The following SGTA variants were observed in gnomAD, a reference collection of about 807,000 sequenced individuals.
SGTA encodes small glutamine rich tetratricopeptide repeat co-chaperone alpha, also known as small glutamine-rich tetratricopeptide repeat-containing protein alpha.
Under a neutral mutation model 44.3 loss-of-function variants are expected in SGTA, and 22 were observed. The observed-to-expected ratio is 0.50, with a 90% CI of 0.36 to 0.71. The LOEUF is 0.71. Among genes scored for constraint, SGTA ranks in the 30% least tolerant of loss-of-function variants. The pLI is 0.00. For synonymous variants in SGTA, 174 were observed against 177.6 expected (o/e 0.98, Z 0.16); for missense variants, 341 against 435.9 (o/e 0.78, Z 1.94).
intron 2 of SGTA, among the ~76,000 whole-genome samples, chr19:2,768,494 C>A (rs143950378): frequency 6.6e-6 from 1 of 152,174 alleles, no homozygotes; most frequent in Non-Finnish European, 1.5e-5. Context: ...CCTCCGAGCC[C>A]CGGATCCAGG....
intron 10 of SGTA, 102 bp downstream of exon 10, chr19:2,757,591 C>T (rs1201205312): frequency 5.5e-6 from 8 of 1,452,190 alleles, no homozygotes; most frequent in South Asian, 2.7e-5. Flanking sequence ...CTGGGCCCTT[C>T]GGAGCAGGGG....
chr19:2,772,376 T>C (rs1228095219), intron 1 of SGTA, among the ~76,000 whole-genome samples: 2 of 152,210 alleles, frequency 1.3e-5, no homozygotes, highest in Non-Finnish European at 2.9e-5. Flanking sequence ...CACAAACACC[T>C]ACAAGGAAAC....
chr19:2,765,040 A>G lies in SGTA; in HGVS notation c.392+146T>C. On this transcript the variant is annotated intron_variant, in intron 5 of 11. Coordinates refer to ENST00000221566, the MANE Select transcript of SGTA (RefSeq NM_003021.4). This position sits in a 1 kb window ranked among gnomAD's most constrained non-coding sequence, Gnocchi z 5.5. The stretch of plus-strand genomic sequence containing the variant: ...CCCCGACCCCGTTGCTGGTCACCTG[A>G]TGCTCGCTCCTGGTCTGAGACCACC... The G allele has an allele frequency of 1.6e-6, 1 of 622,234 alleles. No homozygotes were observed. The allele number at this position is 622,234 out of a possible 1,614,324, so 38.5% of individuals were successfully genotyped here. A position where few individuals can be genotyped will look rare whatever the true frequency, so the allele number is the denominator to read the frequency against.
intron 9 of SGTA, among the ~76,000 whole-genome samples, chr19:2,758,018 G>A (rs143461768): frequency 4.7e-4 from 71 of 152,316 alleles, no homozygotes; most frequent in Admixed American, 1.2e-3. Context: ...TCAGCCAGGG[G>A]GTGATCCTGC....
intron 11 of SGTA, 67 bp downstream of exon 11, chr19:2,757,270 A>G: frequency 6.4e-7 from 1 of 1,555,248 alleles, no homozygotes; most frequent in African/African-American, 1.4e-5. Flanking sequence ...GGCTGCCCTC[A>G]CTGCCAGGCA....
chr19:2,778,621 T>C (rs1915499692), intron 1 of SGTA, among the ~76,000 whole-genome samples: 1 of 152,032 alleles, frequency 6.6e-6, no homozygotes, highest in Non-Finnish European at 1.5e-5. Flanking sequence ...CACCCTGGGC[T>C]AGGGGATGCC....
rs567929078 is a variant in SGTA, at chr19:2,772,773, C to T, written c.-23-3682G>A. Among the ~76,000 whole-genome samples the T allele has an allele frequency of 1.2e-4, 17 of 146,484 alleles. 1 individual carries two copies. The highest frequency in any genetic ancestry group is 1.6e-4 in the African/African-American group (6 of 36,560). On this transcript the variant is annotated intron_variant, in intron 1 of 11. Transcript: ENST00000221566. The stretch of plus-strand genomic sequence containing the variant: ...TGGATGTGAAGGCAGAAATGGGTGA[C>T]GCGGCCACACGGCAGGGACACCGAG...
chr19:2,780,819 G>C (rs1915556944), intron 1 of SGTA, among the ~76,000 whole-genome samples: 1 of 152,180 alleles, frequency 6.6e-6, no homozygotes, highest in Non-Finnish European at 1.5e-5. Context: ...AGGTGCAGTG[G>C]GGCACGCCTG....
At chr19:2,769,385 C>T (rs1202186340) in intron 1 of SGTA, among the ~76,000 whole-genome samples, 1 of 152,166 alleles carries the variant, frequency 6.6e-6, no homozygotes, top group East Asian at 1.9e-4. Flanking sequence ...CAGGGTGGTA[C>T]TGAGGCGCCA....
At chr19:2,766,826 G>A (rs1443228211) in intron 4 of SGTA, among the ~76,000 whole-genome samples, 1 of 151,900 alleles carries the variant, frequency 6.6e-6, no homozygotes, top group Non-Finnish European at 1.5e-5. Context: ...CACATATCTA[G>A]TATCAGGGTG....
chr19:2,763,607 G>T lies in SGTA; in HGVS notation c.497+46C>A. 7.6e-7 allele frequency: 1 copy of T among 1,321,984 alleles called. No homozygotes were observed. The allele number at this position is 1,321,984 out of a possible 1,614,324, so 81.9% of individuals were successfully genotyped here. A position where few individuals can be genotyped will look rare whatever the true frequency, so the allele number is the denominator to read the frequency against. On this transcript the variant is annotated intron_variant, in intron 6 of 11. Coordinates refer to ENST00000221566, the MANE Select transcript of SGTA (RefSeq NM_003021.4). This position sits in a 1 kb window ranked among gnomAD's most constrained non-coding sequence, Gnocchi z 5.8. Reference sequence around the variant, plus strand: ...GAGAGGAAGCAGGAGCAGGAGAGGAGGGGTCCCGAGAGACTGGAAAGGCGC... The same window carrying T: ...GAGAGGAAGCAGGAGCAGGAGAGGATGGGTCCCGAGAGACTGGAAAGGCGC...
At chr19:2,780,706 G>A (rs975101472) in intron 1 of SGTA, among the ~76,000 whole-genome samples, 1 of 152,200 alleles carries the variant, frequency 6.6e-6, no homozygotes, top group African/African-American at 2.4e-5. Context: ...ACTCAGGAAA[G>A]CCTGCGATTG....
At chr19:2,777,708 C>T (rs1328771811) in intron 1 of SGTA, 1 of 152,200 alleles carries the variant, frequency 6.6e-6, no homozygotes, top group Non-Finnish European at 1.5e-5. Context: ...CAGGCAGACA[C>T]ACCTCACTTG....
In SGTA at chr19:2,767,186, G is replaced by C. The variant is rs1915168348; in HGVS notation, c.242C>G (p.Thr81Ser). The change falls in exon 4 of 12, where the codon ACC becomes AGC. Residue 81 changes from threonine (T) to serine (S), a missense_variant. Coordinates refer to ENST00000221566, the MANE Select transcript of SGTA (RefSeq NM_003021.4). The surrounding 1 kb of genome is among the most constrained non-coding windows in gnomAD (Gnocchi z 7.3). The stretch of plus-strand genomic sequence containing the variant: ...TGCTGAGTCCTCCTCGGAAGGCGGG[G>C]TTCGCGCGGGGCTCCTCAGGTCCTG... ...MPQDLRSPAR[T>S]PPSEEDSAEA... The C allele has an allele frequency of 1.2e-6, 2 of 1,612,650 alleles. No homozygotes were observed. Among genetic ancestry groups the C allele is most frequent in the Non-Finnish European group, 1.7e-6 (2 of 1,179,574 alleles).
rs747591519 is a variant in SGTA at position 2,765,331 on chromosome 19, GA to G, written c.293-47del. The G allele has an allele frequency of 2.8e-5, 39 of 1,408,326 alleles. No individual in the cohort carries two copies. Among genetic ancestry groups the G allele is most frequent in the Non-Finnish European group, 3.6e-5 (36 of 1,003,268 alleles). 87.2% of individuals were successfully genotyped at this position (1,408,326 alleles called of 1,614,324 possible). The stretch of plus-strand genomic sequence containing the variant: ...ACCGGCCCGGTGTCCACACAGACCG[GA>G]GGGGGTGTCAGGGAGAGAGGAAAAC... On this transcript the variant is annotated intron_variant, in intron 4 of 11. Coordinates refer to ENST00000221566, the MANE Select transcript of SGTA (RefSeq NM_003021.4). The surrounding 1 kb of genome is among the most constrained non-coding windows in gnomAD (Gnocchi z 5.5).
intron 1 of SGTA, among the ~76,000 whole-genome samples, chr19:2,782,004 G>A (rs953510919): frequency 6.6e-6 from 1 of 152,144 alleles, no homozygotes; most frequent in African/African-American, 2.4e-5. Context: ...ACCATGCCCA[G>A]CTAATTTTCA....
Position 2,757,741 on chromosome 19 carries a change from G to T in SGTA, c.779C>A (p.Thr260Asn), listed in dbSNP as rs1354448116. 1 of 1,604,444 alleles carries T rather than the reference G, an allele frequency of 6.2e-7. No individual in the cohort carries two copies. The highest frequency in any genetic ancestry group is 8.5e-7 in the Non-Finnish European group (1 of 1,176,070). ...MISGGNNPLG[T>N]PGTSPSQNDL... is the part of the protein sequence containing the mutation. ...GTTCTGCGAGGGGCTGGTGCCGGGAGTTCCCAAGGGGTTGTTGCCACCCGA... is the reference window on the plus strand; with the variant it reads ...GTTCTGCGAGGGGCTGGTGCCGGGATTTCCCAAGGGGTTGTTGCCACCCGA... Residue 260 changes from threonine to asparagine, a missense_variant, in exon 10 of 12, where the codon ACT becomes AAT. Transcript: ENST00000221566.
intron 1 of SGTA, among the ~76,000 whole-genome samples, chr19:2,776,451 T>C (rs770114956): frequency 7.2e-5 from 11 of 152,002 alleles, no homozygotes; most frequent in African/African-American, 1.9e-4. Context: ...GAAACAAAGG[T>C]ACAAAACCTG....
At position 2,763,761 on chromosome 19, in the gene SGTA, G is replaced by A. The variant is rs1182802539; in HGVS notation, c.393-4C>T. 1.9e-6 allele frequency: 3 copies of A among 1,612,076 alleles called. No individual in the cohort carries two copies. The highest frequency in any genetic ancestry group is 2.2e-5 in the East Asian group (1 of 44,814). On this transcript the variant is annotated splice_region_variant and splice_polypyrimidine_tract_variant and intron_variant, in intron 5 of 11. Transcript: ENST00000221566. The surrounding 1 kb of genome is among the most constrained non-coding windows in gnomAD (Gnocchi z 5.8). ...GAGTTTGCTGTAGGCTGCGGCTCTGGGGAAGAAAAGGCAGGGCAGGTCCCT... is the reference window on the plus strand; with the variant it reads ...GAGTTTGCTGTAGGCTGCGGCTCTGAGGAAGAAAAGGCAGGGCAGGTCCCT...
Sources: gnomAD v4.1 joint callset for allele counts (sites outside exome capture counted in the v4.1 genomes callset) on GRCh38, gnomAD v4.1.1 for gene constraint, Gnocchi (gnomAD v3.1) non-coding constraint, MANE v1.5 for transcripts, NCBI Gene and HGNC (gene_info 2026-07-23, HGNC 2026-07-21) for gene names.